The following LRRC4C variants were observed in gnomAD, a reference collection of about 807,000 sequenced individuals.
The protein encoded by LRRC4C is leucine-rich repeat-containing protein 4C.
In LRRC4C, 5 loss-of-function variants were observed where a neutral mutation model predicts 33.6. The ratio of observed to expected loss-of-function variants is 0.15; its 90% CI spans 0.08 to 0.31. The LOEUF (loss-of-function observed/expected upper bound fraction) is 0.31. LRRC4C is among the 10% of genes least tolerant of loss of function. The probability of loss-of-function intolerance (pLI) is 1.00; values close to 1 mark genes in which losing one functional copy is unlikely to be tolerated. For synonymous variants in LRRC4C, 329 were observed against 302.0 expected (o/e 1.09, Z -0.93); for missense variants, 560 against 796.7 (o/e 0.70, Z 3.58).
intron 1 of LRRC4C, among the ~76,000 whole-genome samples, chr11:41,439,581 T>C (rs910778369): frequency 2.0e-5 from 3 of 152,192 alleles, no homozygotes; most frequent in African/African-American, 4.8e-5. Context: ...TAGTGGAAGA[T>C]GGTATTTCAT....
intron 1 of LRRC4C, among the ~76,000 whole-genome samples, chr11:40,999,769 T>C (rs940260951): frequency 2.0e-5 from 3 of 152,176 alleles, no homozygotes; most frequent in African/African-American, 7.2e-5. Flanking sequence ...ATCATTTACT[T>C]AGGTAAGCCT....
At chr11:40,309,747 T>C (rs1344135859) in intron 4 of LRRC4C, among the ~76,000 whole-genome samples, 9 of 152,098 alleles carry the variant, frequency 5.9e-5, no homozygotes, top group Non-Finnish European at 7.4e-5. Context: ...GCTTAAGCGA[T>C]CCACCTTCCT....
Position 41,041,107 on chromosome 11 carries a change from ATCG to A in LRRC4C, c.-495-107387_-495-107385del, listed in dbSNP as rs148762135. Among the ~76,000 whole-genome samples the A allele has an allele frequency of 2.3e-3, 346 of 152,322 alleles. 2 individuals carry two copies. The highest frequency in any genetic ancestry group is 8.2e-3 in the African/African-American group (339 of 41,572). ...ACTATGTTTTTAAGAAAGGAGAACC[ATCG>A]TATTTGAACTGCTTTTATATATGTA... On this transcript the variant is annotated intron_variant, in intron 1 of 6. Coordinates refer to ENST00000528697, the MANE Select transcript of LRRC4C (RefSeq NM_001258419.2).
chr11:41,003,298 G>A (rs928299577), intron 1 of LRRC4C, among the ~76,000 whole-genome samples: 1 of 152,158 alleles, frequency 6.6e-6, no homozygotes, highest in Non-Finnish European at 1.5e-5. Flanking sequence ...GTAAAGTAAA[G>A]CAAGATCTTG....
chr11:41,341,020 C>T (rs577038654), intron 1 of LRRC4C, among the ~76,000 whole-genome samples: 1 of 151,666 alleles, frequency 6.6e-6, no homozygotes, highest in East Asian at 1.9e-4. Flanking sequence ...AGTGCTTGCA[C>T]GAAGAAGAAA....
intron 2 of LRRC4C, among the ~76,000 whole-genome samples, chr11:40,714,857 G>GA: frequency 6.6e-6 from 1 of 152,160 alleles, no homozygotes; most frequent in East Asian, 1.9e-4. Flanking sequence ...GAAATTACAG[G>GA]AAAAATTGAT....
At chr11:41,127,629 T>C (rs962631704) in intron 1 of LRRC4C, among the ~76,000 whole-genome samples, 4 of 152,138 alleles carry the variant, frequency 2.6e-5, no homozygotes, top group African/African-American at 4.8e-5. Flanking sequence ...ATCTATTATA[T>C]GTGGCCTTGA....
chr11:41,151,371 A>T (rs1456221867), intron 1 of LRRC4C, among the ~76,000 whole-genome samples: 3 of 152,188 alleles, frequency 2.0e-5, no homozygotes, highest in Non-Finnish European at 4.4e-5. Context: ...AGATAAGGTG[A>T]TAGAGAAATA....
chr11:40,430,809 A>G lies in LRRC4C; in HGVS notation c.-269-111088T>C, dbSNP rs1419149763. Among the ~76,000 whole-genome samples the G allele has an allele frequency of 2.0e-5, 3 of 151,826 alleles. No individual in the cohort carries two copies. The East Asian group carries it at 5.8e-4, about 30-fold the overall frequency. ...CATGTCCTTTGTAGGGACATGGATG[A>G]AATTGGAAATCATCATTCTCAGTAA... On this transcript the variant is annotated intron_variant, in intron 3 of 6. Coordinates refer to ENST00000528697, the MANE Select transcript of LRRC4C (RefSeq NM_001258419.2).
intron 1 of LRRC4C, among the ~76,000 whole-genome samples, chr11:41,174,695 A>G (rs1418329444): frequency 1.3e-5 from 2 of 151,970 alleles, no homozygotes; most frequent in African/African-American, 4.8e-5. Flanking sequence ...TCTCATCTAC[A>G]ATTTTGGTTT....
chr11:40,510,244 T>A (rs910543863), intron 3 of LRRC4C, among the ~76,000 whole-genome samples: 4 of 149,772 alleles, frequency 2.7e-5, no homozygotes, highest in African/African-American at 9.7e-5. Context: ...ATATATTTCT[T>A]AAAGTTTCAA....
At chr11:41,162,234 A>G (rs1159685180) in intron 1 of LRRC4C, among the ~76,000 whole-genome samples, 2 of 152,170 alleles carry the variant, frequency 1.3e-5, no homozygotes, top group African/African-American at 4.8e-5. Context: ...CAGCATGACT[A>G]TCTGACCCTC....
intron 1 of LRRC4C, among the ~76,000 whole-genome samples, chr11:40,973,941 G>A (rs1465750496): frequency 6.6e-6 from 1 of 151,986 alleles, no homozygotes; most frequent in African/African-American, 2.4e-5. Flanking sequence ...CAGTCTCCTT[G>A]GTGGTCTCTA....
intron 1 of LRRC4C, among the ~76,000 whole-genome samples, chr11:41,269,792 T>C (rs2136823932): frequency 6.6e-6 from 1 of 152,260 alleles, no homozygotes; most frequent in East Asian, 1.9e-4. Flanking sequence ...CATCAGTCTC[T>C]GTAACCAACT....
rs1399284768 is a variant in LRRC4C at position 41,418,393 on chromosome 11, G to C, written c.-496+41038C>G. On this transcript the variant is annotated intron_variant, in intron 1 of 6. Coordinates refer to ENST00000528697, the MANE Select transcript of LRRC4C (RefSeq NM_001258419.2). ...TTGCCTCTGGTATGGTTGCAGGGAA[G>C]TAAAATTTTGTGCAGGTATAAATGC... Among the ~76,000 whole-genome samples the C allele has an allele frequency of 2.0e-5, 3 of 151,974 alleles. No individual in the cohort carries two copies. The East Asian group carries it at 5.8e-4, about 29-fold the overall frequency.
chr11:40,235,022 C>T (rs1390153354), intron 5 of LRRC4C, among the ~76,000 whole-genome samples: 3 of 152,220 alleles, frequency 2.0e-5, no homozygotes, highest in African/African-American at 7.2e-5. Context: ...ACTGCTTTAT[C>T]TCTGTTTCCA....
intron 5 of LRRC4C, among the ~76,000 whole-genome samples, chr11:40,221,839 G>A (rs970102075): frequency 1.3e-5 from 2 of 151,936 alleles, no homozygotes; most frequent in Non-Finnish European, 2.9e-5. Context: ...AATCGATCAC[G>A]ACCCTCTCAA....
intron 3 of LRRC4C, among the ~76,000 whole-genome samples, chr11:40,428,944 TA>T (rs1338301865): frequency 3.9e-5 from 6 of 152,212 alleles, no homozygotes; most frequent in African/African-American, 1.4e-4. Flanking sequence ...AATACATTTC[TA>T]AAAAGTAGAA....
At chr11:40,411,078 A>T (rs1270612601) in intron 3 of LRRC4C, among the ~76,000 whole-genome samples, 3 of 152,108 alleles carry the variant, frequency 2.0e-5, no homozygotes, top group Non-Finnish European at 4.4e-5. Flanking sequence ...TAATCTCCTG[A>T]TATCATAAAA....
Sources: allele counts gnomAD v4.1 joint callset (sites outside exome capture counted in the v4.1 genomes callset), GRCh38; gene constraint gnomAD v4.1.1; transcripts MANE v1.5; gene names NCBI Gene and HGNC (gene_info 2026-07-23, HGNC 2026-07-21).